Variants in LAT observed in about 807,000 individuals in gnomAD.
The protein encoded by LAT is linker for activation of T-cells family member 1.
In LAT, 12 loss-of-function variants were observed where a neutral mutation model predicts 39.1. The observed-to-expected ratio is 0.31, with a 90% CI of 0.20 to 0.50. LAT has a LOEUF of 0.50. Among genes scored for constraint, LAT ranks in the 20% least tolerant of loss-of-function variants. The pLI, the probability that LAT is intolerant of heterozygous loss-of-function variation, is 0.98. For synonymous variants in LAT, 117 were observed against 123.8 expected (o/e 0.95, Z 0.36); for missense variants, 253 against 308.0 (o/e 0.82, Z 1.34).
chr16:28,984,964 C>A, upstream of LAT: 1 of 1,481,238 alleles, frequency 6.8e-7, no homozygotes, highest in South Asian at 1.3e-5. Flanking sequence ...CTCCTCCTGC[C>A]CCCTCCCCAC....
rs1455499678 is a variant in LAT, at chr16:28,986,696, A to G, written c.380A>G (p.Tyr127Cys). 3.1e-6 allele frequency: 5 copies of G among 1,613,304 alleles called. No individual in the cohort carries two copies. Among genetic ancestry groups the G allele is most frequent in the Non-Finnish European group, 4.2e-6 (5 of 1,179,708 alleles). Residue 127 changes from tyrosine (Y) to cysteine (C), a missense_variant, in exon 7 of 12, where the codon TAT becomes TGT. Coordinates refer to ENST00000395456, the MANE Select transcript of LAT (RefSeq NM_001014987.2). This position sits in a 1 kb window ranked among gnomAD's most constrained non-coding sequence, Gnocchi z 5.7. ...CEDADEDEDD[Y>C]HNPGYLVVLP... ...GATGCGGATGAGGATGAGGACGACT[A>G]TCACAACCCAGGCTACCTGTGAGTG...
Position 28,985,267 on chromosome 16 carries a change from C to A in LAT, c.-151C>A. 6.9e-7 allele frequency: 1 copy of A among 1,455,004 alleles called. No homozygotes were observed. The highest frequency in any genetic ancestry group is 1.4e-5 in the African/African-American group (1 of 70,220). 90.1% of individuals were successfully genotyped at this position (1,455,004 alleles called of 1,614,324 possible). A position where few individuals can be genotyped will look rare whatever the true frequency, so the allele number is the denominator to read the frequency against. On this transcript the variant is annotated 5_prime_UTR_variant, in exon 1 of 12. Coordinates refer to ENST00000395456, the MANE Select transcript of LAT (RefSeq NM_001014987.2). This position sits in a 1 kb window ranked among gnomAD's most constrained non-coding sequence, Gnocchi z 4.6. The stretch of plus-strand genomic sequence containing the variant: ...CATCCCGGGAGCCCCGGGGAGGGCA[C>A]AGCTGCCTCCTCCCGGGCTCCCCTG...
Position 28,990,538 on chromosome 16 carries a change from T to G in LAT, c.*357T>G, listed in dbSNP as rs1444780714. 3.7e-6 allele frequency: 1 copy of G among 269,662 alleles called. No individual in the cohort carries two copies. The allele number at this position is 269,662 out of a possible 1,614,324, so 16.7% of individuals were successfully genotyped here. ...GTGTGTTTGTGTGTATCTGTGGGTC[T>G]CCATCCTCCATGGGGGCTCAGCCAG... On this transcript the variant is annotated 3_prime_UTR_variant, in exon 12 of 12. Transcript: ENST00000395456.
In LAT at chr16:28,986,641, G is replaced by C; in HGVS notation, c.341-16G>C. 1 of 1,614,070 alleles carries C rather than the reference G, an allele frequency of 6.2e-7. No homozygotes were observed. The highest frequency in any genetic ancestry group is 8.5e-7 in the Non-Finnish European group (1 of 1,180,002). ...TCCGTCCTGGACTAGGCTGACCCCT[G>C]TGTCGTTACCCCCAGAACCAGCCTG... On this transcript the variant is annotated splice_polypyrimidine_tract_variant and intron_variant, in intron 6 of 11. Transcript: ENST00000395456. This position sits in a 1 kb window ranked among gnomAD's most constrained non-coding sequence, Gnocchi z 5.7.
chr16:28,985,387 T>C lies in LAT; in HGVS notation c.-31T>C, dbSNP rs549676154. The C allele has an allele frequency of 1.1e-5, 18 of 1,612,172 alleles. No individual in the cohort carries two copies. In the African/African-American group the frequency reaches 1.7e-4, roughly 16 times the overall value. On this transcript the variant is annotated 5_prime_UTR_variant, in exon 1 of 12. Transcript: ENST00000395456. The surrounding 1 kb of genome is among the most constrained non-coding windows in gnomAD (Gnocchi z 4.6). The stretch of plus-strand genomic sequence containing the variant: ...ACTCTGCCCTTGAGGGGCCTAGGGG[T>C]GCAGCCAGCCTGCTCCGAGCTCCCC...
chr16:28,989,870 G>C, intron 10 of LAT, 31 bp downstream of exon 10: 1 of 1,613,960 alleles, frequency 6.2e-7, no homozygotes, highest in Non-Finnish European at 8.5e-7. Context: ...AGGAGCTGGG[G>C]TAGCTGCTTT....
rs1391901132 is a variant in LAT at position 28,986,999 on chromosome 16, TCCTCCCAAGTAGGCTACTCGGCCTCAG to T, written c.493+119_493+145del. ...GCCTTGAACTCCTGGGCTCCAGTGA[TCCTCCCAAGTAGGCTACTCGGCCTCAG>T]CCTCCCAAGTAGCTGAGACCACAGG... On this transcript the variant is annotated intron_variant, in intron 8 of 11. Transcript: ENST00000395456. This position sits in a 1 kb window ranked among gnomAD's most constrained non-coding sequence, Gnocchi z 5.7. The T allele has an allele frequency of 6.5e-6, 6 of 920,774 alleles. No homozygotes were observed. In the Admixed American group the frequency reaches 7.1e-5, roughly 11 times the overall value. The allele number at this position is 920,774 out of a possible 1,614,324, so 57.0% of individuals were successfully genotyped here. A position where few individuals can be genotyped will look rare whatever the true frequency, so the allele number is the denominator to read the frequency against.
chr16:28,984,803 G>A, upstream of LAT: 1 of 1,498,500 alleles, frequency 6.7e-7, no homozygotes, highest in East Asian at 2.5e-5. Context: ...ACTGCCCTTT[G>A]TACCCCAGAA....
In LAT at chr16:28,985,915, TG is replaced by T. The variant is rs1329444976; in HGVS notation, c.163+30del. ...TGAGTACAAGGAGGGTCCCCTACCTTGGGTGCCAGGGAGAGGGTCCCCTGGT... is the reference window on the plus strand; with the variant it reads ...TGAGTACAAGGAGGGTCCCCTACCTTGGTGCCAGGGAGAGGGTCCCCTGGT... On this transcript the variant is annotated intron_variant, in intron 3 of 11. Transcript: ENST00000395456. This position sits in a 1 kb window ranked among gnomAD's most constrained non-coding sequence, Gnocchi z 4.6. The T allele has an allele frequency of 1.2e-6, 2 of 1,613,018 alleles. No individual in the cohort carries two copies. The highest frequency in any genetic ancestry group is 1.7e-6 in the Non-Finnish European group (2 of 1,179,072).
chr16:28,986,154 A>G lies in LAT; in HGVS notation c.183A>G (p.Pro61=). 1 of 1,600,946 alleles carries G rather than the reference A, an allele frequency of 6.2e-7. No homozygotes were observed. ...CCTCAGACACGGTTGCCCCCTGGCC[A>G]CCTGCCTACCCACCTGTCACCTCCT... ...FKRPHTVAPW[P]PAYPPVTSYP... is the part of the protein sequence containing the mutation. Residue 61 remains proline (P), a synonymous_variant, in exon 4 of 12, where the codon CCA becomes CCG. Coordinates refer to ENST00000395456, the MANE Select transcript of LAT (RefSeq NM_001014987.2). This position sits in a 1 kb window ranked among gnomAD's most constrained non-coding sequence, Gnocchi z 5.7.
Position 28,985,686 on chromosome 16 carries a change from C to G in LAT, c.101-27C>G. 1.2e-6 allele frequency: 2 copies of G among 1,613,712 alleles called. No homozygotes were observed. The highest frequency in any genetic ancestry group is 1.7e-6 in the Non-Finnish European group (2 of 1,179,986). On this transcript the variant is annotated intron_variant, in intron 1 of 11. Transcript: ENST00000395456. The surrounding 1 kb of genome is among the most constrained non-coding windows in gnomAD (Gnocchi z 4.6). ...CTTCTGCCCTAAGCACCCCCTGTTC[C>G]TGCCTCACCAGCCCTCTCTTTCCCA...
At position 28,986,409 on chromosome 16, in the gene LAT, C is replaced by T; in HGVS notation, c.273C>T (p.Ser91=). ...IPRSPQPLGG[S]HRTPSSRRDS... Reference sequence around the variant, plus strand: ...GATCCCCGCAGCCCCTTGGGGGCTCCCACCGGACGCCATCTTCCCGGCGGG... The same window carrying T: ...GATCCCCGCAGCCCCTTGGGGGCTCTCACCGGACGCCATCTTCCCGGCGGG... Residue 91 remains serine, a synonymous_variant, in exon 5 of 12, where the codon TCC becomes TCT. Transcript: ENST00000395456. The surrounding 1 kb of genome is among the most constrained non-coding windows in gnomAD (Gnocchi z 5.7). The T allele has an allele frequency of 6.2e-7, 1 of 1,613,878 alleles. No individual in the cohort carries two copies. The highest frequency in any genetic ancestry group is 8.5e-7 in the Non-Finnish European group (1 of 1,180,030).
chr16:28,990,688 A>G lies in LAT; in HGVS notation c.*507A>G, dbSNP rs1802141. The G allele has an allele frequency of 0.2, 33,201 of 167,838 alleles. 8,855 individuals carry two copies. Among genetic ancestry groups the G allele is most frequent in the African/African-American group, 0.62 (25,814 of 41,626 alleles). 10.4% of individuals were successfully genotyped at this position (167,838 alleles called of 1,614,324 possible). A position where few individuals can be genotyped will look rare whatever the true frequency, so the allele number is the denominator to read the frequency against. The stretch of plus-strand genomic sequence containing the variant: ...AGCTGCTGGCTGTGACAATGGTTTC[A>G]CCATCCTTAGACCAAGGGATGGGAC... On this transcript the variant is annotated 3_prime_UTR_variant, in exon 12 of 12. Coordinates refer to ENST00000395456, the MANE Select transcript of LAT (RefSeq NM_001014987.2).
chr16:28,989,430 T>C (rs1436954522), intron 8 of LAT, 97 bp from the exon 9 acceptor site: 3 of 1,069,216 alleles, frequency 2.8e-6, no homozygotes, highest in East Asian at 2.4e-5. Context: ...GGGTCTACCG[T>C]TGGGGAGCTC....
rs560078317 is a variant in LAT, at chr16:28,985,632, C to T, written c.101-81C>T. On this transcript the variant is annotated intron_variant, in intron 1 of 11. Transcript: ENST00000395456. The surrounding 1 kb of genome is among the most constrained non-coding windows in gnomAD (Gnocchi z 4.6). ...GTCCCTGCCTCCGTCCTGATCCCAGCGCCTCTGAGAGTCCCTGGATCCCAG... is the reference window on the plus strand; with the variant it reads ...GTCCCTGCCTCCGTCCTGATCCCAGTGCCTCTGAGAGTCCCTGGATCCCAG... 54 of 1,599,848 alleles carry T rather than the reference C, an allele frequency of 3.4e-5. No homozygotes were observed. The highest frequency in any genetic ancestry group is 5.4e-5 in the African/African-American group (4 of 74,732).
Position 28,986,098 on chromosome 16 carries a change from C to T in LAT, c.164-37C>T. On this transcript the variant is annotated intron_variant, in intron 3 of 11. Transcript: ENST00000395456. This position sits in a 1 kb window ranked among gnomAD's most constrained non-coding sequence, Gnocchi z 5.7. Reference sequence around the variant, plus strand: ...CTGTTCTTTGAGGCCTTGACGATGTCCGGAGTCCTTCTTTCAACTTGGTTC... The same window carrying T: ...CTGTTCTTTGAGGCCTTGACGATGTTCGGAGTCCTTCTTTCAACTTGGTTC... 6.5e-7 allele frequency: 1 copy of T among 1,534,810 alleles called. No homozygotes were observed. Among genetic ancestry groups the T allele is most frequent in the Non-Finnish European group, 8.9e-7 (1 of 1,124,870 alleles).
In LAT at chr16:28,985,537, G is replaced by C. The variant is rs201886731; in HGVS notation, c.100+20G>C. 1.3e-5 allele frequency: 21 copies of C among 1,611,364 alleles called. No homozygotes were observed. In the East Asian group the frequency reaches 4.5e-4, roughly 34 times the overall value. On this transcript the variant is annotated intron_variant, in intron 1 of 11. Coordinates refer to ENST00000395456, the MANE Select transcript of LAT (RefSeq NM_001014987.2). This position sits in a 1 kb window ranked among gnomAD's most constrained non-coding sequence, Gnocchi z 4.6. The stretch of plus-strand genomic sequence containing the variant: ...TGCCAGGTGAGTGGGAAACTGGTGG[G>C]GGTACCCAGGGCCCAGGGACACCGA...
Position 28,985,478 on chromosome 16 carries a change from A to G in LAT, c.61A>G (p.Met21Val), listed in dbSNP as rs1365327370. The change falls in exon 1 of 12, where the codon ATG (methionine) becomes GTG (valine). Residue 21 changes from methionine (M) to valine (V), a missense_variant. Physicochemically the swap from Met to Val is conservative, Grantham distance 21 (BLOSUM62 1). Coordinates refer to ENST00000395456, the MANE Select transcript of LAT (RefSeq NM_001014987.2). The surrounding 1 kb of genome is among the most constrained non-coding windows in gnomAD (Gnocchi z 4.6). The part of the protein sequence containing the change: ...LGLLLLPILA[M>V]LMALCVHCHR... ...GCTCCTGCTGCTGCCCATCCTGGCC[A>G]TGTTGATGGCACTGTGTGTGCACTG... 1 of 1,613,822 alleles carries G rather than the reference A, an allele frequency of 6.2e-7. No homozygotes were observed. Among genetic ancestry groups the G allele is most frequent in the East Asian group, 2.2e-5 (1 of 44,856 alleles).
chr16:28,987,110 T>C (rs1280783994), intron 8 of LAT, among the ~76,000 whole-genome samples: 3 of 152,128 alleles, frequency 2.0e-5, no homozygotes, highest in Non-Finnish European at 4.4e-5. Context: ...GGTCTCACTA[T>C]GTTGCCCAGG....
Sources: gnomAD v4.1 joint callset for allele counts (sites outside exome capture counted in the v4.1 genomes callset) on GRCh38, gnomAD v4.1.1 for gene constraint, Gnocchi (gnomAD v3.1) non-coding constraint, MANE v1.5 for transcripts, NCBI Gene and HGNC (gene_info 2026-07-23, HGNC 2026-07-21) for gene names.